FBXL7: variants seen among roughly 807,000 people sequenced by gnomAD.
FBXL7 encodes the protein F-box/LRR-repeat protein 7.
In FBXL7, 12 loss-of-function variants were observed where a neutral mutation model predicts 38.3. The observed-to-expected ratio is 0.31, with a 90% CI of 0.20 to 0.51. The LOEUF (loss-of-function observed/expected upper bound fraction) is 0.51. Ranked by LOEUF, FBXL7 falls within the 20% of genes least tolerant of loss-of-function variation. The pLI, the probability that FBXL7 is intolerant of heterozygous loss-of-function variation, is 0.98. For synonymous variants in FBXL7, 297 were observed against 300.9 expected, an observed-to-expected ratio of 0.99 and a Z score of 0.13; for missense variants, 567 against 676.4, an observed-to-expected ratio of 0.84 and a Z score of 1.79.
intron 2 of FBXL7, among the ~76,000 whole-genome samples, chr5:15,636,759 C>T (rs978339556): frequency 4.6e-5 from 7 of 150,604 alleles, no homozygotes; most frequent in African/African-American, 1.5e-4. Context: ...GCAGAATATC[C>T]TTTGTGATTT....
chr5:15,895,204 T>C (rs1449684262), intron 2 of FBXL7, among the ~76,000 whole-genome samples: 2 of 152,372 alleles, frequency 1.3e-5, no homozygotes, highest in South Asian at 2.1e-4. Context: ...GAAAGATATA[T>C]ATCAAAAAGT....
chr5:15,676,097 T>C (rs1035287149), intron 2 of FBXL7, among the ~76,000 whole-genome samples: 15 of 152,222 alleles, frequency 9.9e-5, no homozygotes, highest in African/African-American at 3.4e-4. Context: ...GGAATTAAAC[T>C]GCCCTGCTTA....
intron 2 of FBXL7, among the ~76,000 whole-genome samples, chr5:15,704,438 A>G (rs1187985141): frequency 6.6e-6 from 1 of 152,198 alleles, no homozygotes; most frequent in Non-Finnish European, 1.5e-5. Context: ...TGTTGAGGTA[A>G]AAATATTCTC....
chr5:15,903,261 A>C (rs961524848), intron 2 of FBXL7, among the ~76,000 whole-genome samples: 2 of 152,178 alleles, frequency 1.3e-5, no homozygotes, highest in African/African-American at 4.8e-5. Context: ...AATCCTGCCT[A>C]CCTGGAGTTC....
intron 2 of FBXL7, among the ~76,000 whole-genome samples, chr5:15,920,505 G>C (rs982295695): frequency 7.3e-5 from 11 of 151,486 alleles, no homozygotes; most frequent in Non-Finnish European, 1.3e-4. Context: ...CATCAATGTG[G>C]GTTTGTTATT....
chr5:15,844,021 A>C (rs181504047), intron 2 of FBXL7, among the ~76,000 whole-genome samples: 1 of 152,186 alleles, frequency 6.6e-6, no homozygotes, highest in Non-Finnish European at 1.5e-5. Flanking sequence ...TTAAAAGCAA[A>C]AACAAAAATC....
At chr5:15,930,072 G>A (rs769801777) in intron 3 of FBXL7, among the ~76,000 whole-genome samples, 2 of 152,140 alleles carry the variant, frequency 1.3e-5, no homozygotes, top group Non-Finnish European at 2.9e-5. Context: ...ATTCTTTCCC[G>A]TGCTGGAGAG....
At chr5:15,679,145 T>A (rs951184678) in intron 2 of FBXL7, among the ~76,000 whole-genome samples, 5 of 152,214 alleles carry the variant, frequency 3.3e-5, no homozygotes, top group African/African-American at 1.2e-4. Context: ...AGTTTTTTGA[T>A]CAACCTCTGC....
rs1579610889 is a variant in FBXL7 at position 15,929,040 on chromosome 5, A to G, written c.739+539A>G. 2.6e-5 allele frequency among the ~76,000 whole-genome samples: 4 copies of G among 152,266 alleles called. No homozygotes were observed. The Middle Eastern group carries it at 0.014, about 518-fold the overall frequency. ...CTCAAGCACAGTTAGCTTAGAAACT[A>G]TCCTCGCGCCCACCTGCTGTTGGTC... On this transcript the variant is annotated intron_variant, in intron 3 of 3. Coordinates refer to ENST00000504595, the MANE Select transcript of FBXL7 (RefSeq NM_012304.5).
chr5:15,693,467 C>T (rs1048094633), intron 2 of FBXL7, among the ~76,000 whole-genome samples: 2 of 152,268 alleles, frequency 1.3e-5, no homozygotes, highest in Non-Finnish European at 2.9e-5. Flanking sequence ...GTGATACAGG[C>T]GGTGGGCCGG....
At chr5:15,668,554 C>T (rs889203428) in intron 2 of FBXL7, among the ~76,000 whole-genome samples, 1 of 152,086 alleles carries the variant, frequency 6.6e-6, no homozygotes, top group African/African-American at 2.4e-5. Context: ...GGAGCATGCC[C>T]ATTTTTCCTT....
At chr5:15,661,049 C>T (rs1023884925) in intron 2 of FBXL7, among the ~76,000 whole-genome samples, 5 of 152,154 alleles carry the variant, frequency 3.3e-5, no homozygotes, top group African/African-American at 1.2e-4. Context: ...AGGTGAACCA[C>T]CTGTATTTTC....
chr5:15,624,721 G>C (rs1265742455), intron 2 of FBXL7, among the ~76,000 whole-genome samples: 1 of 152,210 alleles, frequency 6.6e-6, no homozygotes. Flanking sequence ...TGATGATTCA[G>C]ATGTTTCTGA....
intron 1 of FBXL7, among the ~76,000 whole-genome samples, chr5:15,546,628 G>A (rs372202623): frequency 5.3e-5 from 8 of 152,296 alleles, no homozygotes; most frequent in Admixed American, 1.3e-4. Context: ...CTACTTGGGA[G>A]GCTGAGGCAG....
At chr5:15,761,788 T>G (rs1043296512) in intron 2 of FBXL7, among the ~76,000 whole-genome samples, 3 of 152,192 alleles carry the variant, frequency 2.0e-5, no homozygotes, top group African/African-American at 7.2e-5. Flanking sequence ...TCGAGTGATC[T>G]GCCCACTTTG....
chr5:15,723,914 G>A (rs1325319101), intron 2 of FBXL7, among the ~76,000 whole-genome samples: 1 of 152,136 alleles, frequency 6.6e-6, no homozygotes, highest in Non-Finnish European at 1.5e-5. Flanking sequence ...GATTTCTGAT[G>A]CAAGATAACA....
chr5:15,559,578 C>A (rs1230965599), intron 1 of FBXL7, among the ~76,000 whole-genome samples: 1 of 152,198 alleles, frequency 6.6e-6, no homozygotes, highest in Non-Finnish European at 1.5e-5. Context: ...TTTCACTATT[C>A]TGTGGACTGG....
chr5:15,838,058 G>T (rs1354172578), intron 2 of FBXL7, among the ~76,000 whole-genome samples: 1 of 152,158 alleles, frequency 6.6e-6, no homozygotes, highest in Non-Finnish European at 1.5e-5. Flanking sequence ...GTTGTCTGGT[G>T]TGGTGTCATA....
At chr5:15,784,122 G>A (rs1018743833) in intron 2 of FBXL7, among the ~76,000 whole-genome samples, 2 of 152,132 alleles carry the variant, frequency 1.3e-5, no homozygotes, top group Non-Finnish European at 2.9e-5. Flanking sequence ...TATTACCATT[G>A]CTTTGGTCAA....
Sources: allele counts gnomAD v4.1 joint callset (sites outside exome capture counted in the v4.1 genomes callset), GRCh38; gene constraint gnomAD v4.1.1; transcripts MANE v1.5; gene names NCBI Gene and HGNC (gene_info 2026-07-23, HGNC 2026-07-21).